Variants in GTF2E2 observed in about 807,000 individuals in gnomAD.
The protein encoded by GTF2E2 is general transcription factor IIE subunit 2.
Under a neutral mutation model 40.5 loss-of-function variants are expected in GTF2E2, and 21 were observed. That is an observed-to-expected ratio of 0.52 (90% CI 0.37 to 0.75). The LOEUF (loss-of-function observed/expected upper bound fraction) is 0.75. Among genes scored for constraint, GTF2E2 ranks in the 30% least tolerant of loss-of-function variants. GTF2E2 has a pLI of 0.00. For synonymous variants in GTF2E2, 117 were observed against 121.6 expected, an observed-to-expected ratio of 0.96 and a Z score of 0.25; for missense variants, 298 against 338.4, an observed-to-expected ratio of 0.88 and a Z score of 0.94.
Position 30,578,991 on chromosome 8 carries a change from C to T in GTF2E2, c.806G>A (p.Arg269His), listed in dbSNP as rs150253885. Reference protein sequence around the residue: ...RKKPASQKKRRFKTHNEHLAG... With the variant: ...RKKPASQKKRHFKTHNEHLAG... ...CAAGTGTTCGTTATGAGTCTTAAAG[C>T]GTCGCTTTTTCTGTGAAGCAGGCTT... The change falls in exon 8 of 8, where the codon CGC becomes CAC. Residue 269 changes from arginine to histidine, a missense_variant. Transcript: ENST00000355904. 47 of 1,611,162 alleles carry T rather than the reference C, an allele frequency of 2.9e-5. No homozygotes were observed. The highest frequency in any genetic ancestry group is 1.6e-4 in the Middle Eastern group (1 of 6,078).
intron 6 of GTF2E2, among the ~76,000 whole-genome samples, chr8:30,599,361 G>A (rs1011333185): frequency 6.6e-6 from 1 of 152,058 alleles, no homozygotes; most frequent in African/African-American, 2.4e-5. Flanking sequence ...CAAATCACTT[G>A]AGGTCAGGAG....
chr8:30,618,073 T>C (rs1200220180), intron 3 of GTF2E2, among the ~76,000 whole-genome samples: 2 of 152,160 alleles, frequency 1.3e-5, no homozygotes, highest in East Asian at 3.9e-4. Flanking sequence ...CCGAGGCAGA[T>C]GGATCTTGAG....
At chr8:30,605,044 A>T (rs1476120167) in intron 6 of GTF2E2, among the ~76,000 whole-genome samples, 1 of 152,228 alleles carries the variant, frequency 6.6e-6, no homozygotes, top group Non-Finnish European at 1.5e-5. Context: ...GTACTCCTAA[A>T]ATAACCCCAA....
chr8:30,581,987 G>C (rs1585929683), intron 6 of GTF2E2, among the ~76,000 whole-genome samples: 3 of 152,114 alleles, frequency 2.0e-5, no homozygotes, highest in Admixed American at 1.3e-4. Context: ...CTACACCCTA[G>C]ACAAGACAGA....
Position 30,578,910 on chromosome 8 carries a change from A to T in GTF2E2, c.*11T>A. On this transcript the variant is annotated 3_prime_UTR_variant, in exon 8 of 8. Transcript: ENST00000355904. ...TGTATCTGTAACTCTGTTCCAGGGC[A>T]AAACTGTTCCCTATTTGCTGGAAGT... is the stretch of plus-strand genomic sequence containing the variant. 1 of 1,343,530 alleles carries T rather than the reference A, an allele frequency of 7.4e-7. No homozygotes were observed. Among genetic ancestry groups the T allele is most frequent in the Non-Finnish European group, 1.1e-6 (1 of 932,806 alleles). 83.2% of individuals were successfully genotyped at this position (1,343,530 alleles called of 1,614,324 possible).
intron 7 of GTF2E2, 109 bp from the exon 8 acceptor site, chr8:30,579,146 G>C: frequency 1.4e-6 from 1 of 715,804 alleles, no homozygotes; most frequent in South Asian, 1.5e-5. Flanking sequence ...GCCAGGTTCG[G>C]ACCCTTCTCC....
intron 6 of GTF2E2, among the ~76,000 whole-genome samples, chr8:30,603,353 G>C (rs1315451424): frequency 6.6e-6 from 1 of 152,050 alleles, no homozygotes; most frequent in African/African-American, 2.4e-5. Flanking sequence ...ATGACAGTCA[G>C]AACTGATTCA....
At chr8:30,608,319 C>T (rs994188570) in intron 5 of GTF2E2, among the ~76,000 whole-genome samples, 6 of 152,128 alleles carry the variant, frequency 3.9e-5, no homozygotes, top group South Asian at 2.1e-4. Context: ...ATTCTCATCC[C>T]GTTATTCACC....
intron 2 of GTF2E2, among the ~76,000 whole-genome samples, chr8:30,635,351 C>T (rs560520321): frequency 6.6e-6 from 1 of 152,134 alleles, no homozygotes; most frequent in East Asian, 1.9e-4. Flanking sequence ...CACCAAACCA[C>T]AATTCTTTTA....
At chr8:30,610,679 T>C (rs778235664) in intron 5 of GTF2E2, among the ~76,000 whole-genome samples, 6 of 152,064 alleles carry the variant, frequency 3.9e-5, no homozygotes, top group Non-Finnish European at 7.4e-5. Flanking sequence ...TCTTACACCA[T>C]ATACAAAAAT....
At chr8:30,639,335 C>T (rs965261696) in intron 2 of GTF2E2, among the ~76,000 whole-genome samples, 2 of 152,082 alleles carry the variant, frequency 1.3e-5, no homozygotes, top group Non-Finnish European at 2.9e-5. Flanking sequence ...ATTTCTCTCT[C>T]GTAATATAAA....
intron 2 of GTF2E2, chr8:30,636,960 T>C (rs1376597071): frequency 4.5e-6 from 2 of 443,616 alleles, no homozygotes; most frequent in Non-Finnish European, 4.5e-6. Flanking sequence ...GTTCAGCACA[T>C]CTGTAATAAA....
At position 30,636,305 on chromosome 8, in the gene GTF2E2, G is replaced by C. The variant is rs149510175; in HGVS notation, c.167-1182C>G. ...TTCCCATGTGGCTGATCCACAAAGAGAGAGGTTAAGTAAAAGGGGAGAGGA... is the reference window on the plus strand; with the variant it reads ...TTCCCATGTGGCTGATCCACAAAGACAGAGGTTAAGTAAAAGGGGAGAGGA... On this transcript the variant is annotated intron_variant, in intron 2 of 7. Transcript: ENST00000355904. Among the ~76,000 whole-genome samples the C allele has an allele frequency of 1.4e-3, 216 of 152,290 alleles. 2 individuals carry two copies. Among genetic ancestry groups the C allele is most frequent in the Non-Finnish European group, 1.2e-3 (85 of 68,016 alleles).
chr8:30,591,449 A>G (rs546736708), intron 6 of GTF2E2, among the ~76,000 whole-genome samples: 1 of 152,292 alleles, frequency 6.6e-6, no homozygotes, highest in African/African-American at 2.4e-5. Context: ...GCATCACTGC[A>G]CTCAAGCCCA....
At chr8:30,599,341 C>G (rs1315347638) in intron 6 of GTF2E2, among the ~76,000 whole-genome samples, 1 of 152,174 alleles carries the variant, frequency 6.6e-6, no homozygotes, top group East Asian at 1.9e-4. Context: ...CTTTGGGCGG[C>G]TGAGGCAGGC....
intron 6 of GTF2E2, among the ~76,000 whole-genome samples, chr8:30,602,881 C>G (rs1829222237): frequency 6.6e-6 from 1 of 152,178 alleles, no homozygotes. Context: ...GCCTTACAGT[C>G]CCACACGTGG....
chr8:30,646,679 A>G (rs1248441021), intron 2 of GTF2E2, among the ~76,000 whole-genome samples: 1 of 152,202 alleles, frequency 6.6e-6, no homozygotes, highest in East Asian at 1.9e-4. Flanking sequence ...CAACTTAATG[A>G]ATTATTAAAA....
rs1187558758 is a variant in GTF2E2, at chr8:30,653,489, T to C, written c.110A>G (p.Lys37Arg). Residue 37 changes from lysine (K) to arginine (R), a missense_variant, in exon 2 of 8, where the codon AAG (lysine) becomes AGG (arginine). Lys to Arg is a conservative substitution (Grantham distance 26, BLOSUM62 2). Coordinates refer to ENST00000355904, the MANE Select transcript of GTF2E2 (RefSeq NM_002095.6). ...ASSESSSSSS[K>R]KKKTKVEHGG... Reference sequence around the variant, plus strand: ...ATGTTCTACCTTTGTTTTCTTCTTCTTTGACGATGATGATGATGACTCAGA... The same window carrying C: ...ATGTTCTACCTTTGTTTTCTTCTTCCTTGACGATGATGATGATGACTCAGA... 1.2e-6 allele frequency: 2 copies of C among 1,613,768 alleles called. No individual in the cohort carries two copies. Among genetic ancestry groups the C allele is most frequent in the Non-Finnish European group, 1.7e-6 (2 of 1,179,782 alleles).
intron 2 of GTF2E2, chr8:30,645,504 A>G: frequency 6.5e-7 from 1 of 1,535,674 alleles, no homozygotes; most frequent in Non-Finnish European, 8.7e-7. Context: ...GCTGCTGTGT[A>G]AAAAACAAAA....
Sources: gnomAD v4.1 joint callset for allele counts (sites outside exome capture counted in the v4.1 genomes callset) on GRCh38, gnomAD v4.1.1 for gene constraint, MANE v1.5 for transcripts, NCBI Gene and HGNC (gene_info 2026-07-23, HGNC 2026-07-21) for gene names.